The following NAT2 variants were observed in gnomAD, a reference collection of about 807,000 sequenced individuals.
NAT2 encodes arylamine N-acetyltransferase 2.
For missense variants in NAT2, 428 were observed against 339.1 expected (o/e 1.26, Z -2.06); for synonymous variants, 137 against 125.9 (o/e 1.09, Z -0.59).
upstream of NAT2, among the ~76,000 whole-genome samples, chr8:18,389,268 G>A (rs1266651761): frequency 6.6e-6 from 1 of 152,098 alleles, no homozygotes; most frequent in Non-Finnish European, 1.5e-5. Flanking sequence ...AGTCAAAAAT[G>A]GTCCAGATCA....
At chr8:18,390,357 AAAGTT>A (rs1800572908), upstream of NAT2, among the ~76,000 whole-genome samples, 1 of 152,228 alleles carries the variant, frequency 6.6e-6, no homozygotes, top group Admixed American at 6.5e-5. Context: ...AGAGTAGTAG[AAAGTT>A]AAGAGTTGTT....
chr8:18,398,297 G>A (rs1013878066), intron 1 of NAT2, among the ~76,000 whole-genome samples: 4 of 152,164 alleles, frequency 2.6e-5, no homozygotes, highest in Non-Finnish European at 5.9e-5. Context: ...TTCCTTCTGG[G>A]TATAGGGATC....
At chr8:18,389,989 G>C (rs1221711530), upstream of NAT2, among the ~76,000 whole-genome samples, 3 of 152,164 alleles carry the variant, frequency 2.0e-5, no homozygotes, top group Non-Finnish European at 4.4e-5. Context: ...TGCATTGTTG[G>C]CAGGCTGCCT....
At chr8:18,390,442 CAAAG>C (rs1800575180), upstream of NAT2, among the ~76,000 whole-genome samples, 1 of 152,034 alleles carries the variant, frequency 6.6e-6, no homozygotes, top group African/African-American at 2.4e-5. Flanking sequence ...GTTCTCATGA[CAAAG>C]AGATGATAAA....
At chr8:18,395,767 A>T (rs1800679362) in intron 1 of NAT2, among the ~76,000 whole-genome samples, 1 of 152,166 alleles carries the variant, frequency 6.6e-6, no homozygotes, top group Admixed American at 6.5e-5. Flanking sequence ...GTGGTGGAAA[A>T]ACAAATTACA....
chr8:18,388,746 A>G (rs775231864), upstream of NAT2, among the ~76,000 whole-genome samples: 2 of 152,212 alleles, frequency 1.3e-5, no homozygotes, highest in Non-Finnish European at 2.9e-5. Flanking sequence ...CATGCTTTCT[A>G]CGTGTATAAG....
At position 18,400,557 on chromosome 8, in the gene NAT2, A is replaced by G; in HGVS notation, c.554A>G (p.Lys185Arg). 1 of 1,612,342 alleles carries G rather than the reference A, an allele frequency of 6.2e-7. No individual in the cohort carries two copies. Among genetic ancestry groups the G allele is most frequent in the Non-Finnish European group, 8.5e-7 (1 of 1,179,580 alleles). Residue 185 changes from lysine (K) to arginine (R), a missense_variant, in exon 2 of 2, where the codon AAA becomes AGA. Transcript: ENST00000286479. The part of the protein sequence containing the change: ...FLNSHLLPKK[K>R]HQKIYLFTLE... ...AATTCTCATCTCCTGCCAAAGAAGA[A>G]ACACCAAAAAATATACTTATTTACG...
chr8:18,391,286 T>C lies in NAT2; in HGVS notation c.-66T>C, dbSNP rs574921384. 1.3e-5 allele frequency: 2 copies of C among 152,206 alleles called. No individual in the cohort carries two copies. Among genetic ancestry groups the C allele is most frequent in the East Asian group, 1.9e-4 (1 of 5,156 alleles). The allele number at this position is 152,206 out of a possible 1,614,324, so 9.4% of individuals were successfully genotyped here. A position where few individuals can be genotyped will look rare whatever the true frequency, so the allele number is the denominator to read the frequency against. Reference sequence around the variant, plus strand: ...GCAGACTTTGGAAGGGAGAGCACTTTATTACAGACCTTGGAAGCAAGAGGA... The same window carrying C: ...GCAGACTTTGGAAGGGAGAGCACTTCATTACAGACCTTGGAAGCAAGAGGA... On this transcript the variant is annotated 5_prime_UTR_variant, in exon 1 of 2. Transcript: ENST00000286479.
At chr8:18,387,394 C>G (rs1204056702), upstream of NAT2, 2 of 152,956 alleles carry the variant, frequency 1.3e-5, no homozygotes, top group Admixed American at 1.3e-4. Flanking sequence ...CTCCAGCTCT[C>G]GTGCCTTCCG....
rs1473213000 is a variant in NAT2, at chr8:18,400,160, G to C, written c.157G>C (p.Glu53Gln). Residue 53 changes from glutamate to glutamine, a missense_variant, in exon 2 of 2, where the codon GAG becomes CAG. Transcript: ENST00000286479. ...TGGGCAAGCCATGGAGTTGGGCTTAGAGGCTATTTTTGATCACATTGTAAG... is the reference window on the plus strand; with the variant it reads ...TGGGCAAGCCATGGAGTTGGGCTTACAGGCTATTTTTGATCACATTGTAAG... ...HCGQAMELGL[E>Q]AIFDHIVRRN... The C allele has an allele frequency of 1.9e-6, 3 of 1,613,922 alleles. No individual in the cohort carries two copies. The highest frequency in any genetic ancestry group is 2.7e-5 in the African/African-American group (2 of 74,880).
upstream of NAT2, among the ~76,000 whole-genome samples, chr8:18,390,651 T>C (rs537748140): frequency 3.4e-4 from 52 of 152,242 alleles, no homozygotes; most frequent in African/African-American, 1.2e-3. Context: ...AAATATGGTG[T>C]GGATAATTAT....
intron 1 of NAT2, among the ~76,000 whole-genome samples, chr8:18,395,235 T>C (rs145721587): frequency 3.7e-4 from 56 of 152,214 alleles, no homozygotes; most frequent in Middle Eastern, 3.4e-3. Flanking sequence ...AAGCACCCCT[T>C]AGAGTCCTAT....
At position 18,400,061 on chromosome 8, in the gene NAT2, G is replaced by T. The variant is rs532310930; in HGVS notation, c.58G>T (p.Asp20Tyr). 4.3e-6 allele frequency: 7 copies of T among 1,612,660 alleles called. No individual in the cohort carries two copies. The East Asian group carries it at 1.6e-4, about 36-fold the overall frequency. Residue 20 changes from aspartate to tyrosine, a missense_variant, in exon 2 of 2, where the codon GAC (aspartate) becomes TAC (tyrosine). By Grantham distance (160) the Asp-to-Tyr change is radical (BLOSUM62 -3). Coordinates refer to ENST00000286479, the MANE Select transcript of NAT2 (RefSeq NM_000015.3). ...CTATAAGAACTCTAGGAACAAATTGGACTTGGAAACATTAACTGACATTCT... is the reference window on the plus strand; with the variant it reads ...CTATAAGAACTCTAGGAACAAATTGTACTTGGAAACATTAACTGACATTCT... ...IGYKNSRNKL[D>Y]LETLTDILEH...
At chr8:18,395,587 T>C (rs1800670702) in intron 1 of NAT2, among the ~76,000 whole-genome samples, 1 of 152,142 alleles carries the variant, frequency 6.6e-6, no homozygotes, top group Admixed American at 6.5e-5. Context: ...GGGGACTTAA[T>C]ATCAAAAAAG....
chr8:18,391,079 T>C (rs45625631), upstream of NAT2, among the ~76,000 whole-genome samples: 877 of 152,222 alleles, frequency 5.8e-3, 7 homozygotes, highest in African/African-American at 0.019. Context: ...TCTCCTAGCC[T>C]GTGGCATGGG....
rs4986996 is a variant in NAT2 at position 18,400,367 on chromosome 8, G to T, written c.364G>T (p.Asp122Tyr). 2 of 1,612,590 alleles carry T rather than the reference G, an allele frequency of 1.2e-6. No individual in the cohort carries two copies. The highest frequency in any genetic ancestry group is 1.1e-5 in the South Asian group (1 of 90,848). ...CATTGACGGCAGGAATTACATTGTC[G>T]ATGCTGGGTCTGGAAGCTCCTCCCA... The part of the protein sequence containing the change: ...VTIDGRNYIV[D>Y]AGSGSSSQMW... Residue 122 changes from aspartate to tyrosine, a missense_variant, in exon 2 of 2, where the codon GAT becomes TAT. Transcript: ENST00000286479.
intron 1 of NAT2, among the ~76,000 whole-genome samples, chr8:18,398,599 G>A (rs996847060): frequency 9.9e-5 from 15 of 152,146 alleles, no homozygotes; most frequent in African/African-American, 3.6e-4. Flanking sequence ...TGTATTTAAA[G>A]TCTTCGACGA....
At chr8:18,394,183 G>A (rs1390306109) in intron 1 of NAT2, among the ~76,000 whole-genome samples, 1 of 152,178 alleles carries the variant, frequency 6.6e-6, no homozygotes, top group Non-Finnish European at 1.5e-5. Context: ...GAGCCAGGAT[G>A]AGCCAGGAGA....
In NAT2 at chr8:18,400,618, G is replaced by T; in HGVS notation, c.615G>T (p.Met205Ile). 3 of 1,613,916 alleles carry T rather than the reference G, an allele frequency of 1.9e-6. No homozygotes were observed. The highest frequency in any genetic ancestry group is 2.5e-6 in the Non-Finnish European group (3 of 1,179,968). ...EPRTIEDFES[M>I]NTYLQTSPTS... ...GAACAATTGAAGATTTTGAGTCTAT[G>T]AATACATACCTGCAGACGTCTCCAA... is the stretch of plus-strand genomic sequence containing the variant. The change falls in exon 2 of 2, where the codon ATG becomes ATT. Residue 205 changes from methionine (M) to isoleucine (I), a missense_variant. By Grantham distance (10) the Met-to-Ile change is conservative. Transcript: ENST00000286479.
Sources: gnomAD v4.1 joint callset for allele counts (sites outside exome capture counted in the v4.1 genomes callset) on GRCh38, gnomAD v4.1.1 for gene constraint, MANE v1.5 for transcripts, NCBI Gene and HGNC (gene_info 2026-07-23, HGNC 2026-07-21) for gene names.